CDC25A: variants seen among roughly 807,000 people sequenced by gnomAD.
CDC25A encodes M-phase inducer phosphatase 1.
Under a neutral mutation model 64.6 loss-of-function variants are expected in CDC25A, and 17 were observed. The ratio of observed to expected loss-of-function variants is 0.26; its 90% CI spans 0.18 to 0.39. The LOEUF is 0.39. Ranked by LOEUF, CDC25A falls within the 10% of genes least tolerant of loss-of-function variation. The probability of loss-of-function intolerance (pLI) is 1.00; values close to 1 mark genes in which losing one functional copy is unlikely to be tolerated. For synonymous variants in CDC25A, 229 were observed against 238.6 expected, an observed-to-expected ratio of 0.96 and a Z score of 0.37; for missense variants, 473 against 654.8, an observed-to-expected ratio of 0.72 and a Z score of 3.03.
At chr3:48,174,698 C>G (rs537396279) in intron 8 of CDC25A, 2 of 333,192 alleles carry the variant, frequency 6.0e-6, no homozygotes, top group African/African-American at 4.3e-5. Flanking sequence ...AGCAAAACGT[C>G]CTTTGCCCTC....
chr3:48,160,376 T>C (rs1166730416), intron 13 of CDC25A, among the ~76,000 whole-genome samples: 1 of 150,906 alleles, frequency 6.6e-6, no homozygotes, highest in African/African-American at 2.4e-5. Context: ...CCCAAAGTGT[T>C]GGGATTACAG....
chr3:48,159,555 C>T (rs1386735332), intron 13 of CDC25A, 100 bp from the exon 14 acceptor site: 7 of 729,478 alleles, frequency 9.6e-6, no homozygotes, highest in Non-Finnish European at 7.3e-6. Context: ...CCCCCTTATA[C>T]ACATCTTCCC....
intron 9 of CDC25A, among the ~76,000 whole-genome samples, chr3:48,168,984 G>C (rs1174422075): frequency 6.6e-6 from 1 of 152,048 alleles, no homozygotes; most frequent in South Asian, 2.1e-4. Context: ...AGAAGAGGAA[G>C]CCAGCTGTTA....
At chr3:48,176,477 T>C (rs898210343) in intron 8 of CDC25A, among the ~76,000 whole-genome samples, 1 of 148,930 alleles carries the variant, frequency 6.7e-6, no homozygotes, top group African/African-American at 2.4e-5. Flanking sequence ...TGCTTTCTGT[T>C]TGAAAGTATC....
rs1449651281 is a variant in CDC25A at position 48,187,973 on chromosome 3, C to T, written c.-26G>A. ...GGCGGCGCCCGGCCTCGCAGAGCTC[C>T]CGCTCCCTCTTCCTCTGCCTCCGCC... On this transcript the variant is annotated 5_prime_UTR_variant, in exon 1 of 15. Transcript: ENST00000302506. 2 of 1,435,096 alleles carry T rather than the reference C, an allele frequency of 1.4e-6. No homozygotes were observed. Among genetic ancestry groups the T allele is most frequent in the South Asian group, 2.9e-5 (2 of 70,060 alleles). 88.9% of individuals were successfully genotyped at this position (1,435,096 alleles called of 1,614,324 possible).
intron 13 of CDC25A, 145 bp from the exon 14 acceptor site, chr3:48,159,600 G>A (rs1262931317): frequency 1.6e-6 from 1 of 619,304 alleles, no homozygotes. Context: ...AATCAGTGCT[G>A]AGTTGCAAGT....
intron 9 of CDC25A, 152 bp downstream of exon 9, chr3:48,174,132 A>G (rs2032367020): frequency 3.0e-6 from 2 of 674,442 alleles, no homozygotes; most frequent in South Asian, 4.3e-5. Context: ...CATCTCTATT[A>G]AAAGAAACAC....
chr3:48,180,910 C>A (rs1466062808), intron 5 of CDC25A, 70 bp from the exon 6 acceptor site: 4 of 1,519,240 alleles, frequency 2.6e-6, no homozygotes, highest in Non-Finnish European at 3.6e-6. Context: ...GTGAAAGAGG[C>A]AAGAAAGTGG....
chr3:48,180,581 G>A (rs2032627806), intron 6 of CDC25A, 140 bp downstream of exon 6: 4 of 838,606 alleles, frequency 4.8e-6, no homozygotes, highest in Admixed American at 2.5e-5. Context: ...CACCAAGAAT[G>A]CTTGACAGTC....
chr3:48,168,954 C>T (rs1355062032), intron 9 of CDC25A, among the ~76,000 whole-genome samples: 2 of 151,930 alleles, frequency 1.3e-5, no homozygotes, highest in Non-Finnish European at 2.9e-5. Context: ...GCCCGGCCTA[C>T]GTCTTAGCTT....
At chr3:48,187,698 G>C in intron 1 of CDC25A, 80 bp downstream of exon 1, 1 of 1,365,586 alleles carries the variant, frequency 7.3e-7, no homozygotes, top group Non-Finnish European at 9.9e-7. Flanking sequence ...CCCTTCTCCC[G>C]GTCCGTTTCC....
In CDC25A at chr3:48,174,437, A is replaced by C. The variant is rs777714148; in HGVS notation, c.777T>G (p.Phe259Leu). ...TGGAGCTACACAGGGAAGGGGAGTC[A>C]AACAGCTTGCATCGGTTGTCCTTAC... ...TTNLDNRCKL[F>L]DSPSLCSSST... The change falls in exon 9 of 15, where the codon TTT becomes TTG. Residue 259 changes from phenylalanine to leucine, a missense_variant. This residue lies in a region of CDC25A where 376 missense variants were observed against 431.9 expected (regional missense o/e 0.87). Transcript: ENST00000302506. 7 of 1,611,176 alleles carry C rather than the reference A, an allele frequency of 4.3e-6. No homozygotes were observed. The Admixed American group carries it at 1.2e-4, about 27-fold the overall frequency.
At chr3:48,175,796 C>T (rs757879790) in intron 8 of CDC25A, among the ~76,000 whole-genome samples, 1 of 152,196 alleles carries the variant, frequency 6.6e-6, no homozygotes, top group Admixed American at 6.5e-5. Flanking sequence ...TAAATTTACT[C>T]ATAACATTTG....
chr3:48,183,617 G>A (rs890631488), intron 4 of CDC25A, among the ~76,000 whole-genome samples, 183 bp downstream of exon 4: 1 of 152,310 alleles, frequency 6.6e-6, no homozygotes, highest in East Asian at 1.9e-4. Context: ...GGAAGCAGAG[G>A]TTGCAGTGAG....
Position 48,187,888 on chromosome 3 carries a change from A to T in CDC25A, c.60T>A (p.Pro20=). ...RRRLLFACSP[P]PASQPVVKAL... ...CCTTCACGACGGGCTGCGACGCGGG[A>T]GGGGGGCTGCAGGCGAAGAGCAGGC... The change falls in exon 1 of 15, where the codon CCT becomes CCA. Residue 20 remains proline (P), a synonymous_variant. Transcript: ENST00000302506. 2 of 1,545,220 alleles carry T rather than the reference A, an allele frequency of 1.3e-6. No individual in the cohort carries two copies. The highest frequency in any genetic ancestry group is 8.7e-7 in the Non-Finnish European group (1 of 1,145,194).
chr3:48,181,433 A>G, intron 5 of CDC25A: 1 of 605,082 alleles, frequency 1.7e-6, no homozygotes, highest in Middle Eastern at 4.4e-4. Flanking sequence ...TAAAATATTC[A>G]CTTAAGAACT....
At chr3:48,159,316 G>A in intron 14 of CDC25A, 28 bp downstream of exon 14, 1 of 1,507,500 alleles carries the variant, frequency 6.6e-7, no homozygotes, top group Non-Finnish European at 9.2e-7. Context: ...CAGGGGAGGA[G>A]AGATGCTCTC....
rs984204524 is a variant in CDC25A, at chr3:48,188,131, A to C, written c.-184T>G. On this transcript the variant is annotated 5_prime_UTR_variant, in exon 1 of 15. Transcript: ENST00000302506. ...GCGGCGCGGCCGGGCGGGTGTGCGG[A>C]CCCTCCAGGCGCCAGCCACCAGCCA... 1 of 412,160 alleles carries C rather than the reference A, an allele frequency of 2.4e-6. No individual in the cohort carries two copies. The highest frequency in any genetic ancestry group is 4.7e-5 in the Admixed American group (1 of 21,248). 25.5% of individuals were successfully genotyped at this position (412,160 alleles called of 1,614,324 possible).
intron 2 of CDC25A, 84 bp from the exon 3 acceptor site, chr3:48,184,779 TG>T (rs1193579045): frequency 3.1e-6 from 3 of 966,522 alleles, no homozygotes; most frequent in Non-Finnish European, 4.7e-6. Flanking sequence ...ACAAAGTACC[TG>T]GGTCTTTATT....
Sources: gnomAD v4.1 joint callset for allele counts (sites outside exome capture counted in the v4.1 genomes callset) on GRCh38, gnomAD v4.1.1 for gene constraint, gnomAD v4.1.1 regional missense constraint, MANE v1.5 for transcripts, NCBI Gene and HGNC (gene_info 2026-07-23, HGNC 2026-07-21) for gene names.